The following PITPNB variants were observed in gnomAD, a reference collection of about 807,000 sequenced individuals.
The protein encoded by PITPNB is phosphatidylinositol transfer protein beta isoform.
PITPNB carries 16 observed loss-of-function variants against 45.9 expected under a neutral mutation model. The observed-to-expected ratio is 0.35, with a 90% confidence interval of 0.24 to 0.53. The LOEUF (loss-of-function observed/expected upper bound fraction) is 0.53, where lower values mean the gene tolerates loss of function less well. Among genes scored for constraint, PITPNB ranks in the 20% least tolerant of loss-of-function variants. The probability of loss-of-function intolerance (pLI) is 0.93; values close to 1 mark genes in which losing one functional copy is unlikely to be tolerated. For synonymous variants in PITPNB, 112 were observed against 108.9 expected, an observed-to-expected ratio of 1.03 and a Z score of -0.18; for missense variants, 188 against 330.5, an observed-to-expected ratio of 0.57 and a Z score of 3.34.
In PITPNB at chr22:27,914,299, G is replaced by T; in HGVS notation, c.51+18C>A. On this transcript the variant is annotated intron_variant, in intron 2 of 11. Transcript: ENST00000335272. The stretch of plus-strand genomic sequence containing the variant: ...GTACATATACCAATAAAATGATGCA[G>T]AAGCAAGAAAAACTCACCTCCTGAA... 1.9e-6 allele frequency: 3 copies of T among 1,559,658 alleles called. No homozygotes were observed. The highest frequency in any genetic ancestry group is 2.7e-6 in the Non-Finnish European group (3 of 1,131,486).
At chr22:27,918,679 G>A (rs1936162225) in intron 1 of PITPNB, among the ~76,000 whole-genome samples, 1 of 152,192 alleles carries the variant, frequency 6.6e-6, no homozygotes, top group African/African-American at 2.4e-5. Flanking sequence ...AGGCGCCAGC[G>A]TCCCACCGCG....
chr22:27,861,748 T>C (rs1165103667), intron 8 of PITPNB, among the ~76,000 whole-genome samples: 3 of 151,906 alleles, frequency 2.0e-5, no homozygotes, highest in Admixed American at 6.5e-5. Context: ...ACAAGATGAT[T>C]AAAAGAAAAA....
intron 8 of PITPNB, among the ~76,000 whole-genome samples, chr22:27,872,963 C>A (rs895434252): frequency 6.6e-6 from 1 of 151,534 alleles, no homozygotes; most frequent in Non-Finnish European, 1.5e-5. Context: ...TAAGGGTGTG[C>A]ACTTTATTTA....
intron 6 of PITPNB, among the ~76,000 whole-genome samples, chr22:27,895,527 T>C (rs890208701): frequency 2.0e-5 from 3 of 151,516 alleles, no homozygotes; most frequent in African/African-American, 7.3e-5. Context: ...GAGGCAGAGG[T>C]TGCACTGAGC....
chr22:27,916,304 G>T (rs1936072819), intron 1 of PITPNB, among the ~76,000 whole-genome samples: 1 of 152,190 alleles, frequency 6.6e-6, no homozygotes, highest in Non-Finnish European at 1.5e-5. Context: ...ATTTTCTGTT[G>T]TTATTCTAAA....
intron 7 of PITPNB, among the ~76,000 whole-genome samples, chr22:27,890,914 CA>C (rs1478496215): frequency 1.3e-5 from 2 of 152,326 alleles, no homozygotes; most frequent in East Asian, 3.9e-4. Context: ...GAAGTACTGA[CA>C]CACACTACGA....
At chr22:27,884,693 G>C (rs377325123) in intron 7 of PITPNB, among the ~76,000 whole-genome samples, 6 of 152,114 alleles carry the variant, frequency 3.9e-5, no homozygotes, top group African/African-American at 7.2e-5. Flanking sequence ...GCTGAAAGAC[G>C]AGGGGAAAAA....
chr22:27,877,173 A>C (rs1046481897), intron 7 of PITPNB, among the ~76,000 whole-genome samples: 2 of 152,218 alleles, frequency 1.3e-5, no homozygotes, highest in Non-Finnish European at 2.9e-5. Flanking sequence ...CTGTGTTTAA[A>C]ATTTTTTATG....
intron 3 of PITPNB, among the ~76,000 whole-genome samples, chr22:27,908,567 T>A (rs2146422360): frequency 6.6e-6 from 1 of 152,202 alleles, no homozygotes; most frequent in East Asian, 1.9e-4. Context: ...ACTTTTTGGC[T>A]TATTTTAGAA....
At chr22:27,860,107 C>A in intron 9 of PITPNB, 24 bp downstream of exon 9, 1 of 1,356,890 alleles carries the variant, frequency 7.4e-7, no homozygotes, top group South Asian at 1.2e-5. Context: ...AAATCTAAGT[C>A]ACCACATTTT....
chr22:27,856,265 G>A (rs969438278), intron 10 of PITPNB, among the ~76,000 whole-genome samples: 13 of 152,170 alleles, frequency 8.5e-5, no homozygotes, highest in Non-Finnish European at 1.5e-4. Context: ...TATAAGAATG[G>A]TGACACTAAG....
chr22:27,894,495 G>T (rs1277947672), intron 7 of PITPNB, 60 bp downstream of exon 7: 13 of 915,756 alleles, frequency 1.4e-5, no homozygotes, highest in Non-Finnish European at 2.3e-5. Context: ...AAATGTGATA[G>T]TAGAAAATAA....
intron 3 of PITPNB, among the ~76,000 whole-genome samples, chr22:27,899,614 C>T (rs1405929802): frequency 1.2e-4 from 18 of 152,162 alleles, no homozygotes; most frequent in Admixed American, 7.9e-4. Context: ...TGAGCCACCG[C>T]GCCCGGCCTG....
intron 9 of PITPNB, 67 bp from the exon 10 acceptor site, chr22:27,858,576 T>A: frequency 7.9e-7 from 1 of 1,263,592 alleles, no homozygotes; most frequent in African/African-American, 1.5e-5. Flanking sequence ...CACATTAACT[T>A]TACATGTTCC....
At chr22:27,890,352 G>T (rs910069402) in intron 7 of PITPNB, among the ~76,000 whole-genome samples, 2 of 142,808 alleles carry the variant, frequency 1.4e-5, no homozygotes, top group Admixed American at 1.4e-4. Context: ...ATGCATACTG[G>T]AATTATTTTT....
chr22:27,903,019 A>C (rs1478480197), intron 3 of PITPNB, among the ~76,000 whole-genome samples: 8 of 152,180 alleles, frequency 5.3e-5, no homozygotes, highest in Non-Finnish European at 2.9e-5. Context: ...GCAAACACCA[A>C]AATTAAAAAC....
chr22:27,853,714 GAA>G, intron 11 of PITPNB, 51 bp from the exon 12 acceptor site: 2 of 1,334,210 alleles, frequency 1.5e-6, no homozygotes, highest in South Asian at 2.5e-5. Context: ...ACAGAGACAG[GAA>G]ATGTTAGCAG....
chr22:27,883,205 C>A (rs1935024337), intron 7 of PITPNB, among the ~76,000 whole-genome samples: 1 of 152,186 alleles, frequency 6.6e-6, no homozygotes, highest in African/African-American at 2.4e-5. Context: ...TCTTAATCAA[C>A]ATATTGCAAA....
At chr22:27,893,153 G>C (rs1478797642) in intron 7 of PITPNB, among the ~76,000 whole-genome samples, 1 of 152,192 alleles carries the variant, frequency 6.6e-6, no homozygotes, top group East Asian at 1.9e-4. Flanking sequence ...TAGCTCTCTA[G>C]ATTAGAGGAA....
Sources: gnomAD v4.1 joint callset for allele counts (sites outside exome capture counted in the v4.1 genomes callset) on GRCh38, gnomAD v4.1.1 for gene constraint, MANE v1.5 for transcripts, NCBI Gene and HGNC (gene_info 2026-07-23, HGNC 2026-07-21) for gene names.